The following CFAP61 variants were observed in gnomAD, a reference collection of about 807,000 sequenced individuals.
CFAP61 encodes cilia and flagella associated protein 61, also known as cilia- and flagella-associated protein 61.
In CFAP61, 107 loss-of-function variants were observed where a neutral mutation model predicts 135.6. The ratio of observed to expected loss-of-function variants is 0.79; its 90% confidence interval spans 0.67 to 0.93. The LOEUF is 0.93. Among genes scored for constraint, CFAP61 ranks in the 40% least tolerant of loss-of-function variants. The probability of loss-of-function intolerance (pLI) is 0.00; values close to 1 mark genes in which losing one functional copy is unlikely to be tolerated. For synonymous variants in CFAP61, 575 were observed against 578.5 expected, an observed-to-expected ratio of 0.99 and a Z score of 0.09; for missense variants, 1,507 against 1,556.2, an observed-to-expected ratio of 0.97 and a Z score of 0.53.
At chr20:20,299,388 T>G (rs1433819462) in intron 25 of CFAP61, among the ~76,000 whole-genome samples, 1 of 152,182 alleles carries the variant, frequency 6.6e-6, no homozygotes, top group Non-Finnish European at 1.5e-5. Context: ...ATCAGTGAAC[T>G]TCTTCTATAA....
chr20:20,136,066 T>C (rs1046446241), intron 8 of CFAP61, among the ~76,000 whole-genome samples: 11 of 152,226 alleles, frequency 7.2e-5, no homozygotes, highest in Non-Finnish European at 1.0e-4. Flanking sequence ...CACTCTTTCC[T>C]GGCCTGCAAG....
intron 19 of CFAP61, among the ~76,000 whole-genome samples, chr20:20,248,603 A>G (rs2050645264): frequency 1.3e-5 from 2 of 152,232 alleles, no homozygotes; most frequent in African/African-American, 4.8e-5. Flanking sequence ...CACTAATTGG[A>G]CAATCAGCAC....
chr20:20,152,811 C>T (rs1038252274), intron 9 of CFAP61, among the ~76,000 whole-genome samples: 11 of 152,088 alleles, frequency 7.2e-5, no homozygotes, highest in Non-Finnish European at 1.6e-4. Context: ...TGAGACAGGA[C>T]ATCATGACAG....
chr20:20,095,241 A>C (rs1021985907), intron 7 of CFAP61, among the ~76,000 whole-genome samples: 49 of 152,166 alleles, frequency 3.2e-4, no homozygotes, highest in African/African-American at 1.2e-3. Flanking sequence ...CTTGACATTG[A>C]CCATGATGAC....
rs539172195 is a variant in CFAP61, at chr20:20,264,757, T to G, written c.2503+1627T>G. On this transcript the variant is annotated intron_variant, in intron 21 of 26. Transcript: ENST00000245957. Reference sequence around the variant, plus strand: ...AAATACAAAAATTAGCTGGGCATGGTGGTGTACACCTGTAGTCCCAGCTAC... The same window carrying G: ...AAATACAAAAATTAGCTGGGCATGGGGGTGTACACCTGTAGTCCCAGCTAC... 8.5e-5 allele frequency among the ~76,000 whole-genome samples: 13 copies of G among 152,218 alleles called. No homozygotes were observed. The South Asian group carries it at 2.7e-3, about 32-fold the overall frequency.
chr20:20,143,875 C>T (rs2051626983), intron 9 of CFAP61, among the ~76,000 whole-genome samples: 1 of 152,116 alleles, frequency 6.6e-6, no homozygotes, highest in Admixed American at 6.5e-5. Flanking sequence ...TGAGGAAACC[C>T]CTTAAGGCCA....
At chr20:20,063,415 A>G (rs974049865) in intron 2 of CFAP61, among the ~76,000 whole-genome samples, 13 of 152,234 alleles carry the variant, frequency 8.5e-5, no homozygotes, top group Non-Finnish European at 1.9e-4. Context: ...AGATATGATT[A>G]TGATTAACTG....
chr20:20,060,304 A>G (rs940072723), intron 2 of CFAP61, among the ~76,000 whole-genome samples: 4 of 152,214 alleles, frequency 2.6e-5, no homozygotes, highest in African/African-American at 9.7e-5. Flanking sequence ...ATTTGCCAAT[A>G]AACTCTGAAT....
chr20:20,295,453 G>A (rs763466064), intron 24 of CFAP61, among the ~76,000 whole-genome samples: 14 of 152,110 alleles, frequency 9.2e-5, no homozygotes, highest in Non-Finnish European at 1.8e-4. Flanking sequence ...CCTTACTGCC[G>A]TGGTGCAGGA....
At chr20:20,308,768 C>T (rs1385950478) in intron 25 of CFAP61, among the ~76,000 whole-genome samples, 1 of 152,136 alleles carries the variant, frequency 6.6e-6, no homozygotes, top group Non-Finnish European at 1.5e-5. Flanking sequence ...TTCGTAAAAT[C>T]GCTGTTCTTT....
At chr20:20,121,548 G>T (rs2049631597) in intron 8 of CFAP61, among the ~76,000 whole-genome samples, 1 of 152,176 alleles carries the variant, frequency 6.6e-6, no homozygotes, top group Non-Finnish European at 1.5e-5. Context: ...AGGCTGGAGT[G>T]CAGTGGTTCA....
At position 20,199,835 on chromosome 20, in the gene CFAP61, G is replaced by A. The variant is rs761972456; in HGVS notation, c.1865G>A (p.Arg622Gln). ...LHYLVPVRPRRQIVYPLEKLG... is the reference protein window; with the variant it reads ...LHYLVPVRPRQQIVYPLEKLG... ...TACTTGGTTCCCGTGCGACCACGAC[G>A]ACAGATTGTCTATCCTCTGGAAAAG... Residue 622 changes from arginine (R) to glutamine (Q), a missense_variant, in exon 17 of 27, where the codon CGA becomes CAA. Arg to Gln is a conservative substitution (Grantham distance 43, BLOSUM62 1). Coordinates refer to ENST00000245957, the MANE Select transcript of CFAP61 (RefSeq NM_015585.4). 66 of 1,614,018 alleles carry A rather than the reference G, an allele frequency of 4.1e-5. No homozygotes were observed. Among genetic ancestry groups the A allele is most frequent in the Non-Finnish European group, 5.3e-5 (63 of 1,180,032 alleles).
intron 25 of CFAP61, among the ~76,000 whole-genome samples, chr20:20,328,420 C>A (rs1432032571): frequency 6.6e-6 from 1 of 152,182 alleles, no homozygotes; most frequent in South Asian, 2.1e-4. Context: ...TCAAACTTAA[C>A]AAGGCCAAAC....
At chr20:20,333,300 T>G (rs1234562536) in intron 25 of CFAP61, among the ~76,000 whole-genome samples, 1 of 152,290 alleles carries the variant, frequency 6.6e-6, no homozygotes, top group East Asian at 1.9e-4. Context: ...ATAGTAACTC[T>G]TGGAACAAAG....
chr20:20,273,851 T>C (rs1053008689), intron 21 of CFAP61, among the ~76,000 whole-genome samples: 1 of 152,208 alleles, frequency 6.6e-6, no homozygotes, highest in Non-Finnish European at 1.5e-5. Flanking sequence ...GGCTGGACAG[T>C]CTGTGGGGCC....
chr20:20,284,992 CT>C (rs2054476685), intron 22 of CFAP61, among the ~76,000 whole-genome samples: 1 of 152,136 alleles, frequency 6.6e-6, no homozygotes, highest in South Asian at 2.1e-4. Flanking sequence ...AAAAGTAATT[CT>C]TTAGTTTTGC....
chr20:20,172,231 G>A, intron 13 of CFAP61: 1 of 982,660 alleles, frequency 1.0e-6, no homozygotes, highest in Non-Finnish European at 1.2e-6. Context: ...ATGCCTCTGG[G>A]AAACAGGACT....
At chr20:20,341,088 C>G (rs2058428695) in intron 25 of CFAP61, among the ~76,000 whole-genome samples, 1 of 152,164 alleles carries the variant, frequency 6.6e-6, no homozygotes, top group African/African-American at 2.4e-5. Context: ...ATAAGGGCAG[C>G]TAGCTCACAT....
chr20:20,238,700 G>A (rs2049784764), intron 18 of CFAP61, among the ~76,000 whole-genome samples: 1 of 152,150 alleles, frequency 6.6e-6, no homozygotes, highest in African/African-American at 2.4e-5. Context: ...CAATAAATGG[G>A]CAATGTGACC....
Sources: allele counts gnomAD v4.1 joint callset (sites outside exome capture counted in the v4.1 genomes callset), GRCh38; gene constraint gnomAD v4.1.1; transcripts MANE v1.5; gene names NCBI Gene and HGNC (gene_info 2026-07-23, HGNC 2026-07-21).